DNAI4: variants seen among roughly 807,000 people sequenced by gnomAD.
DNAI4 encodes the protein WD repeat domain 78.
In DNAI4, 85 loss-of-function variants were observed where a neutral mutation model predicts 105.8. The ratio of observed to expected loss-of-function variants is 0.80; its 90% CI spans 0.67 to 0.96. DNAI4 has a LOEUF of 0.96. DNAI4 is among the 40% of genes least tolerant of loss of function. DNAI4 has a pLI of 0.00. For missense variants in DNAI4, 1,014 were observed against 1,005.6 expected (o/e 1.01, Z -0.11); for synonymous variants, 352 against 331.5 (o/e 1.06, Z -0.67).
chr1:66,848,259 A>ATTTT (rs768988342), intron 7 of DNAI4: 8 of 456,010 alleles, frequency 1.8e-5, no homozygotes, highest in Middle Eastern at 6.5e-4. Flanking sequence ...AGCAACATTG[A>ATTTT]TTGCATTCCC....
At chr1:66,828,473 A>C (rs887022077) in intron 13 of DNAI4, 2 of 152,184 alleles carry the variant, frequency 1.3e-5, no homozygotes, top group Non-Finnish European at 2.9e-5. Context: ...AAATGTTGCC[A>C]TTCTATTAGA....
At position 66,848,695 on chromosome 1, in the gene DNAI4, T is replaced by C. The variant is rs149225261; in HGVS notation, c.1097-1017A>G. Among the ~76,000 whole-genome samples the C allele has an allele frequency of 1.5e-3, 230 of 152,226 alleles. 1 individual carries two copies. The highest frequency in any genetic ancestry group is 5.3e-3 in the African/African-American group (221 of 41,534). ...GGTGAAGAGAAGGAATGGGTATATA[T>C]ATATATTCCAGATATGGAGCTGAAG... On this transcript the variant is annotated intron_variant, in intron 7 of 16. Coordinates refer to ENST00000371026, the MANE Select transcript of DNAI4 (RefSeq NM_024763.5).
chr1:66,863,575 C>T (rs1210416337), intron 6 of DNAI4, among the ~76,000 whole-genome samples: 1 of 152,144 alleles, frequency 6.6e-6, no homozygotes, highest in African/African-American at 2.4e-5. Flanking sequence ...TCTCCTGCCT[C>T]AGCCTCCCCA....
chr1:66,893,095 A>AAGAAAGAAAGAAAG (rs1647965376), intron 3 of DNAI4, 134 bp downstream of exon 3: 3 of 432,944 alleles, frequency 6.9e-6, no homozygotes, highest in African/African-American at 6.3e-5. Context: ...GAAAGAAAGA[A>AAGAAAGAAAGAAAG]AGAAAGAAAG....
chr1:66,881,353 C>T (rs933773050), intron 4 of DNAI4, among the ~76,000 whole-genome samples: 1 of 152,230 alleles, frequency 6.6e-6, no homozygotes, highest in Admixed American at 6.5e-5. Context: ...TCACTGCCAA[C>T]CCATGAAAGC....
chr1:66,874,743 A>T (rs1426825482), intron 5 of DNAI4, 38 bp downstream of exon 5: 1 of 1,575,064 alleles, frequency 6.3e-7, no homozygotes, highest in Non-Finnish European at 8.6e-7. Flanking sequence ...TTAGCATTTG[A>T]ATTACAGAAA....
intron 1 of DNAI4, among the ~76,000 whole-genome samples, chr1:66,908,704 C>A (rs891183867): frequency 6.6e-6 from 1 of 152,054 alleles, no homozygotes; most frequent in Admixed American, 6.5e-5. Context: ...AGAAAAATAC[C>A]CAACTATGAT....
chr1:66,844,694 GT>G (rs1646232775), intron 8 of DNAI4, among the ~76,000 whole-genome samples: 1 of 152,136 alleles, frequency 6.6e-6, no homozygotes, highest in South Asian at 2.1e-4. Context: ...GCAAAGATTT[GT>G]TAGAGAGCTC....
intron 7 of DNAI4, among the ~76,000 whole-genome samples, chr1:66,861,386 A>C (rs550895103): frequency 4.6e-5 from 7 of 152,330 alleles, no homozygotes; most frequent in Non-Finnish European, 1.0e-4. Flanking sequence ...AAAAGATACA[A>C]CATTTCAGAA....
chr1:66,882,549 A>T (rs1647096347), intron 4 of DNAI4, among the ~76,000 whole-genome samples: 1 of 151,680 alleles, frequency 6.6e-6, no homozygotes. Context: ...TGGATGTTCA[A>T]TTTTTCCATC....
chr1:66,918,862 G>T (rs887804536), intron 1 of DNAI4, among the ~76,000 whole-genome samples: 1 of 152,090 alleles, frequency 6.6e-6, no homozygotes, highest in Non-Finnish European at 1.5e-5. Context: ...CTAAGCTAAG[G>T]GAGAATTCAA....
At chr1:66,912,322 A>G (rs995164306) in intron 1 of DNAI4, among the ~76,000 whole-genome samples, 6 of 152,014 alleles carry the variant, frequency 3.9e-5, no homozygotes, top group African/African-American at 1.4e-4. Context: ...AAAAAAAATT[A>G]GCTGAGTGTG....
chr1:66,892,034 C>T (rs1200884573), intron 3 of DNAI4, among the ~76,000 whole-genome samples: 2 of 152,096 alleles, frequency 1.3e-5, no homozygotes, highest in Non-Finnish European at 2.9e-5. Flanking sequence ...TGATTTATTT[C>T]ATTTTATAAA....
chr1:66,843,033 A>T (rs1646185550), intron 8 of DNAI4, among the ~76,000 whole-genome samples: 1 of 151,956 alleles, frequency 6.6e-6, no homozygotes. Context: ...CCTCATCTCT[A>T]CAGAACATTT....
In DNAI4 at chr1:66,890,341, A is replaced by G. The variant is rs147270426; in HGVS notation, c.643+813T>C. Reference sequence around the variant, plus strand: ...GCCAGGCACAGTGGCTCAGGCCTGTAATCCCAGCACTTTGGGAGGCTGAGG... The same window carrying G: ...GCCAGGCACAGTGGCTCAGGCCTGTGATCCCAGCACTTTGGGAGGCTGAGG... On this transcript the variant is annotated intron_variant, in intron 4 of 16. Transcript: ENST00000371026. This position sits in a 1 kb window ranked among gnomAD's most constrained non-coding sequence, Gnocchi z 4.1. 1 of 153,126 alleles carries G rather than the reference A, an allele frequency of 6.5e-6. No individual in the cohort carries two copies. The highest frequency in any genetic ancestry group is 1.5e-5 in the Non-Finnish European group (1 of 68,766). 9.5% of individuals were successfully genotyped at this position (153,126 alleles called of 1,614,324 possible). A position where few individuals can be genotyped will look rare whatever the true frequency, so the allele number is the denominator to read the frequency against.
chr1:66,845,190 C>CAAAAAAAAAAA (rs59265844), intron 8 of DNAI4, among the ~76,000 whole-genome samples: 7 of 106,312 alleles, frequency 6.6e-5, no homozygotes, highest in East Asian at 3.7e-4. Flanking sequence ...AACTCCATCT[C>CAAAAAAAAAAA]AAAAAAAAAA....
rs761150725 is a variant in DNAI4 at position 66,893,455 on chromosome 1, C to T, written c.346-42G>A. The T allele has an allele frequency of 1.3e-5, 17 of 1,353,440 alleles. No homozygotes were observed. The Admixed American group carries it at 4.6e-4, about 37-fold the overall frequency. The allele number at this position is 1,353,440 out of a possible 1,614,324, so 83.8% of individuals were successfully genotyped here. A position where few individuals can be genotyped will look rare whatever the true frequency, so the allele number is the denominator to read the frequency against. On this transcript the variant is annotated intron_variant, in intron 2 of 16. Coordinates refer to ENST00000371026, the MANE Select transcript of DNAI4 (RefSeq NM_024763.5). ...TTTAAAATGAAATAACTAAAAAAGACAGGGCTTCTAAATAACAGCTGCTAG... is the reference window on the plus strand; with the variant it reads ...TTTAAAATGAAATAACTAAAAAAGATAGGGCTTCTAAATAACAGCTGCTAG...
At position 66,905,250 on chromosome 1, in the gene DNAI4, G is replaced by A. The variant is rs771329270; in HGVS notation, c.296C>T (p.Pro99Leu). ...TGGTTTTTCTACAGTTTTCAGTTCA[G>A]GTGGAATAAGCACGGTTTTGGACAC... ...MAVSKTVLIP[P>L]ELKTVEKPNP... Residue 99 changes from proline (P) to leucine (L), a missense_variant, in exon 2 of 17, where the codon CCT becomes CTT. By Grantham distance (98) the Pro-to-Leu change is moderately conservative (BLOSUM62 -3). Coordinates refer to ENST00000371026, the MANE Select transcript of DNAI4 (RefSeq NM_024763.5). The A allele has an allele frequency of 3.8e-6, 6 of 1,572,220 alleles. 1 individual carries two copies. The South Asian group carries it at 7.1e-5, about 19-fold the overall frequency.
At chr1:66,830,184 A>G (rs1010073277) in intron 13 of DNAI4, among the ~76,000 whole-genome samples, 1 of 152,148 alleles carries the variant, frequency 6.6e-6, no homozygotes, top group African/African-American at 2.4e-5. Context: ...AACCAAAGTA[A>G]AGAAAAGAAA....
Sources: gnomAD v4.1 joint callset for allele counts (sites outside exome capture counted in the v4.1 genomes callset) on GRCh38, gnomAD v4.1.1 for gene constraint, Gnocchi (gnomAD v3.1) non-coding constraint, MANE v1.5 for transcripts, NCBI Gene and HGNC (gene_info 2026-07-23, HGNC 2026-07-21) for gene names.